GNA13: variants seen among roughly 807,000 people sequenced by gnomAD.
GNA13 encodes the protein guanine nucleotide-binding protein subunit alpha-13.
A neutral mutation model predicts 33.5 loss-of-function variants in GNA13; 4 were observed. That is an observed-to-expected ratio of 0.12 (90% CI 0.06 to 0.27). The LOEUF is 0.27. GNA13 is among the 10% of genes least tolerant of loss of function. The probability of loss-of-function intolerance (pLI) is 1.00; values close to 1 mark genes in which losing one functional copy is unlikely to be tolerated. For missense variants in GNA13, 319 were observed against 487.2 expected (o/e 0.65, Z 3.25); for synonymous variants, 176 against 183.8 (o/e 0.96, Z 0.34).
At chr17:65,044,999 C>G (rs181509325) in intron 2 of GNA13, among the ~76,000 whole-genome samples, 40 of 148,638 alleles carry the variant, frequency 2.7e-4, no homozygotes, top group African/African-American at 9.7e-4. Flanking sequence ...GCCAAGATCA[C>G]GCCACTGCAC....
chr17:65,056,239 G>GCCCGGC, intron 1 of GNA13, 72 bp downstream of exon 1: 38 of 936,122 alleles, frequency 4.1e-5, no homozygotes, highest in East Asian at 9.6e-5. Flanking sequence ...CCAGGGCGGT[G>GCCCGGC]CCCCGCCCCG....
chr17:65,018,122 A>AGAGAGAGAG, intron 3 of GNA13, 131 bp downstream of exon 3: 1 of 208,168 alleles, frequency 4.8e-6, no homozygotes, highest in Non-Finnish European at 9.1e-6. Flanking sequence ...AAAAAAAAAA[A>AGAGAGAGAG]AAAAAAAAAA....
intron 2 of GNA13, among the ~76,000 whole-genome samples, chr17:65,031,286 A>G (rs1010734148): frequency 4.6e-5 from 7 of 152,240 alleles, no homozygotes; most frequent in Non-Finnish European, 1.0e-4. Context: ...ATACTACAAA[A>G]GATTTTAAAA....
At chr17:65,025,996 TG>T (rs1393920944) in intron 2 of GNA13, among the ~76,000 whole-genome samples, 1 of 151,756 alleles carries the variant, frequency 6.6e-6, no homozygotes, top group African/African-American at 2.4e-5. Flanking sequence ...AACTGCACTA[TG>T]ATGAAAACAG....
intron 2 of GNA13, among the ~76,000 whole-genome samples, chr17:65,022,459 T>TACCA (rs1906615658): frequency 6.6e-6 from 1 of 151,014 alleles, no homozygotes; most frequent in Non-Finnish European, 1.5e-5. Flanking sequence ...AGGCCCTGAA[T>TACCA]ACCACACTTT....
chr17:65,045,696 T>C, intron 2 of GNA13, among the ~76,000 whole-genome samples: 1 of 152,278 alleles, frequency 6.6e-6, no homozygotes, highest in East Asian at 1.9e-4. Context: ...AGATCACTTA[T>C]ATCGTTACTA....
chr17:65,016,686 G>A (rs567846906), intron 3 of GNA13, among the ~76,000 whole-genome samples: 1 of 152,172 alleles, frequency 6.6e-6, no homozygotes, highest in Non-Finnish European at 1.5e-5. Context: ...TTTAAAAGTA[G>A]GTGGGTTCTT....
intron 2 of GNA13, among the ~76,000 whole-genome samples, chr17:65,047,270 C>A (rs1907699357): frequency 6.6e-6 from 1 of 152,110 alleles, no homozygotes; most frequent in Non-Finnish European, 1.5e-5. Flanking sequence ...CTACTGTAAT[C>A]CCAGCACTTT....
At chr17:65,056,260 C>A (rs1273506772) in intron 1 of GNA13, 51 bp downstream of exon 1, 9 of 1,196,240 alleles carry the variant, frequency 7.5e-6, no homozygotes, top group East Asian at 2.8e-5. Context: ...CACCCGCCGC[C>A]GCCCCAGCCC....
At chr17:65,056,244 G>GCCCCCCACCCCCCCCCCCCCCCCCCC in intron 1 of GNA13, 67 bp downstream of exon 1, 2 of 1,032,474 alleles carry the variant, frequency 1.9e-6, no homozygotes, top group Non-Finnish European at 2.8e-6. Flanking sequence ...GCGGTGCCCC[G>GCCCCCCACCCCCCCCCCCCCCCCCCC]CCCCGCACCC....
At chr17:65,030,682 A>C (rs1906969774) in intron 2 of GNA13, among the ~76,000 whole-genome samples, 1 of 152,240 alleles carries the variant, frequency 6.6e-6, no homozygotes, top group African/African-American at 2.4e-5. Context: ...GAAAAAAACA[A>C]GCCAACTATA....
chr17:65,011,267 GACTA>G lies in GNA13; in HGVS notation c.*2986_*2989del, dbSNP rs1906178882. On this transcript the variant is annotated 3_prime_UTR_variant, in exon 4 of 4. Transcript: ENST00000439174. Reference sequence around the variant, plus strand: ...TTCCCTAAACAGCCTCAATTTGAGAGACTAACCAGAGGACCTTCTCTATGCAAAT... The same window carrying G: ...TTCCCTAAACAGCCTCAATTTGAGAGACCAGAGGACCTTCTCTATGCAAAT... The G allele has an allele frequency of 5.0e-6, 1 of 199,252 alleles. No homozygotes were observed. The highest frequency in any genetic ancestry group is 1.9e-4 in the South Asian group (1 of 5,238). The allele number at this position is 199,252 out of a possible 1,614,324, so 12.3% of individuals were successfully genotyped here. A position where few individuals can be genotyped will look rare whatever the true frequency, so the allele number is the denominator to read the frequency against.
intron 2 of GNA13, among the ~76,000 whole-genome samples, chr17:65,033,478 C>A (rs1029878668): frequency 1.3e-5 from 2 of 151,372 alleles, no homozygotes; most frequent in Non-Finnish European, 2.9e-5. Context: ...CAAAATGAGA[C>A]CCTGCCTTTA....
rs188561776 is a variant in GNA13, at chr17:65,010,268, T to A, written c.*3989A>T. The stretch of plus-strand genomic sequence containing the variant: ...TAATCACCTACCAGCCTAAGACTAG[T>A]ATCTACTTGATGGAACTTGAAAAAG... On this transcript the variant is annotated 3_prime_UTR_variant, in exon 4 of 4. Coordinates refer to ENST00000439174, the MANE Select transcript of GNA13 (RefSeq NM_006572.6). Among the ~76,000 whole-genome samples the A allele has an allele frequency of 2.0e-5, 3 of 152,200 alleles. No homozygotes were observed. The highest frequency in any genetic ancestry group is 1.3e-4 in the Admixed American group (2 of 15,264).
intron 2 of GNA13, among the ~76,000 whole-genome samples, chr17:65,049,579 G>A (rs1907789338): frequency 6.6e-6 from 1 of 152,142 alleles, no homozygotes; most frequent in Non-Finnish European, 1.5e-5. Context: ...GGTACTGTGA[G>A]GAGTGACAGG....
chr17:65,009,825 C>T lies in GNA13; in HGVS notation c.*4432G>A, dbSNP rs1451926052. On this transcript the variant is annotated 3_prime_UTR_variant, in exon 4 of 4. Coordinates refer to ENST00000439174, the MANE Select transcript of GNA13 (RefSeq NM_006572.6). ...AGAATTAATCTCTACCCCTTTCTTTCCTAGTACCATCAAACAGGCATGATT... is the reference window on the plus strand; with the variant it reads ...AGAATTAATCTCTACCCCTTTCTTTTCTAGTACCATCAAACAGGCATGATT... Among the ~76,000 whole-genome samples the T allele has an allele frequency of 6.6e-6, 1 of 152,154 alleles. No homozygotes were observed. The highest frequency in any genetic ancestry group is 1.5e-5 in the Non-Finnish European group (1 of 68,024).
chr17:65,016,759 T>C (rs1207861602), intron 3 of GNA13, among the ~76,000 whole-genome samples: 1 of 152,266 alleles, frequency 6.6e-6, no homozygotes, highest in Non-Finnish European at 1.5e-5. Context: ...AGCTTTTCCA[T>C]GTTTTCTTCT....
intron 2 of GNA13, among the ~76,000 whole-genome samples, chr17:65,048,540 GT>G (rs1907750832): frequency 6.6e-6 from 1 of 152,144 alleles, no homozygotes; most frequent in Non-Finnish European, 1.5e-5. Flanking sequence ...GGTACCTTAA[GT>G]TATAACGAGA....
chr17:65,056,251 A>ACCCCCCCCCCCCCCCC, intron 1 of GNA13, 60 bp downstream of exon 1: 19 of 740,714 alleles, frequency 2.6e-5, no homozygotes, highest in East Asian at 4.4e-5. Context: ...CCCGCCCCGC[A>ACCCCCCCCCCCCCCCC]CCCGCCGCCG....
Sources: gnomAD v4.1 joint callset for allele counts (sites outside exome capture counted in the v4.1 genomes callset) on GRCh38, gnomAD v4.1.1 for gene constraint, MANE v1.5 for transcripts, NCBI Gene and HGNC (gene_info 2026-07-23, HGNC 2026-07-21) for gene names.